ZNF215: variants seen among roughly 807,000 people sequenced by gnomAD.
The protein encoded by ZNF215 is BWSCR2-associated zinc finger protein 2.
In ZNF215, 24 loss-of-function variants were observed where a neutral mutation model predicts 27.2. The ratio of observed to expected loss-of-function variants is 0.88; its 90% CI spans 0.64 to 1.24. ZNF215 has a LOEUF of 1.24. ZNF215 is among the 50% of genes most tolerant of loss of function. ZNF215 has a pLI of 0.00. For missense variants in ZNF215, 675 were observed against 605.7 expected (o/e 1.11, Z -1.20); for synonymous variants, 210 against 204.0 (o/e 1.03, Z -0.25).
downstream of ZNF215, among the ~76,000 whole-genome samples, chr11:6,984,853 A>T (rs1388570118): frequency 7.5e-6 from 1 of 132,486 alleles, no homozygotes; most frequent in African/African-American, 2.9e-5. Context: ...GAAATAAAAA[A>T]TAGTTAAAAA....
In ZNF215 at chr11:6,952,826, G is replaced by T. The variant is rs187978340; in HGVS notation, c.713-2864G>T. Among the ~76,000 whole-genome samples the T allele has an allele frequency of 2.8e-3, 430 of 151,974 alleles. 3 individuals are homozygous for T. Among genetic ancestry groups the T allele is most frequent in the African/African-American group, 9.6e-3 (397 of 41,470 alleles). On this transcript the variant is annotated intron_variant, in intron 6 of 6. Coordinates refer to ENST00000278319, the MANE Select transcript of ZNF215 (RefSeq NM_013250.4). ...GGTTAGTTGATGCAGTTTCTTCGTA[G>T]CCTCGATGGTCTTTACAATTTGGCA... is the stretch of plus-strand genomic sequence containing the variant.
chr11:6,956,220 T>C lies in ZNF215; in HGVS notation c.1243T>C (p.Phe415Leu), dbSNP rs772557801. 26 of 1,612,976 alleles carry C rather than the reference T, an allele frequency of 1.6e-5. No homozygotes were observed. Residue 415 changes from phenylalanine to leucine, a missense_variant, in exon 7 of 7, where the codon TTC (phenylalanine) becomes CTC (leucine). Physicochemically the swap from Phe to Leu is conservative, Grantham distance 22 (BLOSUM62 0). Transcript: ENST00000278319. The stretch of plus-strand genomic sequence containing the variant: ...CTATAAATGCAGTGAATGTGGGAGA[T>C]TCTTCAACCGACGTACAAACCTTAC... ...KPYKCSECGR[F>L]FNRRTNLTKH...
At chr11:6,961,695 G>A (rs1478832356), downstream of ZNF215, among the ~76,000 whole-genome samples, 1 of 152,050 alleles carries the variant, frequency 6.6e-6, no homozygotes, top group African/African-American at 2.4e-5. Flanking sequence ...TCTTAATTGT[G>A]TATTCACAGC....
chr11:6,969,007 T>G (rs1486963177), intron 5 of ZNF215, among the ~76,000 whole-genome samples: 2 of 152,196 alleles, frequency 1.3e-5, no homozygotes, highest in Non-Finnish European at 2.9e-5. Context: ...ATGATTTCTT[T>G]GCATGGGAAT....
chr11:6,947,110 T>G (rs1849841315), intron 6 of ZNF215, among the ~76,000 whole-genome samples: 1 of 152,226 alleles, frequency 6.6e-6, no homozygotes, highest in South Asian at 2.1e-4. Flanking sequence ...CATTGTTTTA[T>G]ATCTGTTCAT....
At chr11:6,928,250 T>C (rs1333964936) in intron 2 of ZNF215, among the ~76,000 whole-genome samples, 1 of 152,220 alleles carries the variant, frequency 6.6e-6, no homozygotes, top group African/African-American at 2.4e-5. Flanking sequence ...TCTAGTTTTA[T>C]TTATCTATTA....
downstream of ZNF215, among the ~76,000 whole-genome samples, chr11:6,962,260 A>G (rs756037867): frequency 6.6e-6 from 1 of 152,162 alleles, no homozygotes; most frequent in African/African-American, 2.4e-5. Flanking sequence ...AAGAGCTGCA[A>G]CCTGAGATCT....
chr11:6,989,433 C>T (rs2133365756), downstream of ZNF215, among the ~76,000 whole-genome samples: 1 of 152,188 alleles, frequency 6.6e-6, no homozygotes, highest in Admixed American at 6.5e-5. Context: ...TACTACTAGG[C>T]CCTAGTGGAC....
Position 6,955,821 on chromosome 11 carries a change from A to T in ZNF215, c.844A>T (p.Ile282Leu). ...ATATAGGAACCAGAAAAAATGGGAC[A>T]TAAATTTGCCACAAGAGGCTTTCAT... ...WLYRNQKKWD[I>L]NLPQEAFIPE... Residue 282 changes from isoleucine to leucine, a missense_variant, in exon 7 of 7, where the codon ATA becomes TTA. Ile to Leu is a conservative substitution (Grantham distance 5). Transcript: ENST00000278319. The T allele has an allele frequency of 6.2e-7, 1 of 1,613,892 alleles. No individual in the cohort carries two copies. Among genetic ancestry groups the T allele is most frequent in the Non-Finnish European group, 8.5e-7 (1 of 1,179,958 alleles).
At chr11:6,947,741 CATTGT>C (rs1323422013) in intron 6 of ZNF215, among the ~76,000 whole-genome samples, 3 of 152,134 alleles carry the variant, frequency 2.0e-5, no homozygotes, top group African/African-American at 7.2e-5. Flanking sequence ...AAAGAGCAAT[CATTGT>C]ATTCTCAAAT....
In ZNF215 at chr11:6,983,260, T is replaced by C. The variant is rs568946218; in HGVS notation, c.806-869T>C. Among the ~76,000 whole-genome samples the C allele has an allele frequency of 4.3e-3, 653 of 152,250 alleles. 3 individuals are homozygous for C. The highest frequency in any genetic ancestry group is 0.015 in the African/African-American group (607 of 41,540). ...ATAACAGGCTCTGAAATTGTGGCAA[T>C]AATCAATAGCTTACCAACCAAAAAG... On this transcript the variant is annotated intron_variant, in intron 5 of 5. Transcript: ENST00000529903.
chr11:6,988,034 A>T (rs181469777), downstream of ZNF215, among the ~76,000 whole-genome samples: 35 of 152,324 alleles, frequency 2.3e-4, no homozygotes, highest in Non-Finnish European at 4.3e-4. Flanking sequence ...ATTCTGTAGG[A>T]GACTGAATCC....
intron 2 of ZNF215, among the ~76,000 whole-genome samples, chr11:6,928,916 G>A (rs1284844693): frequency 6.6e-6 from 1 of 152,120 alleles, no homozygotes; most frequent in African/African-American, 2.4e-5. Context: ...AGTTGTGGCG[G>A]GTTTTCAGTC....
At chr11:6,962,287 A>G (rs2133319854), downstream of ZNF215, among the ~76,000 whole-genome samples, 2 of 152,270 alleles carry the variant, frequency 1.3e-5, no homozygotes, top group South Asian at 4.1e-4. Context: ...GCAGCAGTCA[A>G]AATCAACCCT....
chr11:6,949,895 G>C (rs1311277160), intron 6 of ZNF215, among the ~76,000 whole-genome samples: 1 of 152,060 alleles, frequency 6.6e-6, no homozygotes, highest in Non-Finnish European at 1.5e-5. Flanking sequence ...AATCCATCTT[G>C]AATTAATTTT....
chr11:6,941,839 T>C (rs982454820), intron 4 of ZNF215, among the ~76,000 whole-genome samples, 186 bp downstream of exon 4: 2 of 152,224 alleles, frequency 1.3e-5, no homozygotes, highest in Non-Finnish European at 2.9e-5. Context: ...AGTCTCTGTG[T>C]ATCTGTTCCG....
At chr11:6,989,228 A>G (rs1183564994), downstream of ZNF215, among the ~76,000 whole-genome samples, 1 of 152,080 alleles carries the variant, frequency 6.6e-6, no homozygotes, top group Non-Finnish European at 1.5e-5. Context: ...AGTAATGGTA[A>G]AAACTTTTGC....
At chr11:6,991,467 A>C (rs1325751767), downstream of ZNF215, among the ~76,000 whole-genome samples, 2 of 152,212 alleles carry the variant, frequency 1.3e-5, no homozygotes, top group East Asian at 3.8e-4. Context: ...ACAGTGGATG[A>C]GGGCCCTACC....
downstream of ZNF215, among the ~76,000 whole-genome samples, chr11:6,991,973 G>A (rs922780999): frequency 6.6e-6 from 1 of 152,132 alleles, no homozygotes; most frequent in African/African-American, 2.4e-5. Context: ...TGAATCTAGG[G>A]TGGTCCTGTC....
Sources: allele counts gnomAD v4.1 joint callset (sites outside exome capture counted in the v4.1 genomes callset), GRCh38; gene constraint gnomAD v4.1.1; transcripts MANE v1.5; gene names NCBI Gene and HGNC (gene_info 2026-07-23, HGNC 2026-07-21).